The following SESTD1 variants were observed in gnomAD, a reference collection of about 807,000 sequenced individuals.
SESTD1 encodes the protein SEC14 and spectrin domain containing 1, also known as SEC14 domain and spectrin repeat-containing protein 1.
A neutral mutation model predicts 101.7 loss-of-function variants in SESTD1; 43 were observed. The ratio of observed to expected loss-of-function variants is 0.42; its 90% CI spans 0.33 to 0.55. SESTD1 has a LOEUF of 0.55. Ranked by LOEUF, SESTD1 falls within the 20% of genes least tolerant of loss-of-function variation. The probability of loss-of-function intolerance (pLI) is 0.07; values close to 1 mark genes in which losing one functional copy is unlikely to be tolerated. For synonymous variants in SESTD1, 283 were observed against 286.8 expected (o/e 0.99, Z 0.13); for missense variants, 647 against 815.1 (o/e 0.79, Z 2.51).
intron 1 of SESTD1, among the ~76,000 whole-genome samples, chr2:179,233,043 A>C (rs1282999421): frequency 6.6e-6 from 1 of 152,206 alleles, no homozygotes; most frequent in African/African-American, 2.4e-5. Context: ...AGATCCACAA[A>C]GATGAGAAAG....
chr2:179,179,589 T>G (rs2046072533), intron 3 of SESTD1, among the ~76,000 whole-genome samples: 1 of 152,204 alleles, frequency 6.6e-6, no homozygotes, highest in African/African-American at 2.4e-5. Flanking sequence ...TAATTACTTG[T>G]TTACAATTCA....
rs2046585468 is a variant in SESTD1, at chr2:179,205,970, C to A, written c.-25-14104G>T. 1.5e-5 allele frequency among the ~76,000 whole-genome samples: 2 copies of A among 133,940 alleles called. 1 individual carries two copies. Among genetic ancestry groups the A allele is most frequent in the Non-Finnish European group, 3.2e-5 (2 of 62,554 alleles). The allele number at this position is 133,940 out of a possible 152,430, so 87.9% of individuals were successfully genotyped here. A position where few individuals can be genotyped will look rare whatever the true frequency, so the allele number is the denominator to read the frequency against. ...GCTCCAGTTTTTCAAGTGTTTAGCA[C>A]AGTCATTAAAAAAAACAAAAATCTT... On this transcript the variant is annotated intron_variant, in intron 1 of 17. Transcript: ENST00000428443.
rs2045332878 is a variant in SESTD1, at chr2:179,143,748, C to A, written c.693G>T (p.Gly231=). The change falls in exon 9 of 18, where the codon GGG becomes GGT. Residue 231 remains glycine, a synonymous_variant. Transcript: ENST00000428443. The part of the protein sequence containing the change: ...QQRRFNGSDG[G]VSWSPMDDEL... ...CATCATCCATAGGAGACCATGAAAC[C>A]CCTCCGTCTGAGCCATTAAATCGAC... The A allele has an allele frequency of 1.2e-6, 2 of 1,613,920 alleles. No individual in the cohort carries two copies. Among genetic ancestry groups the A allele is most frequent in the South Asian group, 2.2e-5 (2 of 91,072 alleles).
chr2:179,231,099 C>T (rs896728483), intron 1 of SESTD1, among the ~76,000 whole-genome samples: 2 of 152,112 alleles, frequency 1.3e-5, no homozygotes, highest in Non-Finnish European at 2.9e-5. Flanking sequence ...ATTAAGGCTA[C>T]AGGAGAACAA....
intron 5 of SESTD1, among the ~76,000 whole-genome samples, chr2:179,154,607 C>G (rs1229518828): frequency 6.6e-6 from 1 of 152,104 alleles, no homozygotes; most frequent in African/African-American, 2.4e-5. Context: ...GAAATCAACT[C>G]TAAAACTAAT....
At chr2:179,166,312 C>T (rs2045833440) in intron 5 of SESTD1, among the ~76,000 whole-genome samples, 1 of 151,872 alleles carries the variant, frequency 6.6e-6, no homozygotes, top group Admixed American at 6.6e-5. Flanking sequence ...GAAGAGCAGC[C>T]ACTAATGGAA....
intron 9 of SESTD1, among the ~76,000 whole-genome samples, chr2:179,135,780 C>A (rs189774659): frequency 6.6e-6 from 1 of 152,208 alleles, no homozygotes; most frequent in East Asian, 1.9e-4. Flanking sequence ...AAAATCTAGA[C>A]AGCAAAACTC....
chr2:179,218,989 C>T (rs1191731945), intron 1 of SESTD1, among the ~76,000 whole-genome samples: 1 of 152,150 alleles, frequency 6.6e-6, no homozygotes, highest in Non-Finnish European at 1.5e-5. Context: ...CTAACATTGT[C>T]ACAACTACCT....
chr2:179,229,770 T>TC (rs2046952170), intron 1 of SESTD1, among the ~76,000 whole-genome samples: 1 of 123,740 alleles, frequency 8.1e-6, no homozygotes, highest in African/African-American at 3.3e-5. Flanking sequence ...TATATATATA[T>TC]ATATACTCAA....
intron 2 of SESTD1, among the ~76,000 whole-genome samples, chr2:179,190,425 A>G (rs928451760): frequency 2.0e-5 from 3 of 152,218 alleles, no homozygotes; most frequent in African/African-American, 7.2e-5. Context: ...AAGGCCTAAA[A>G]CTATAAAAAT....
intron 1 of SESTD1, among the ~76,000 whole-genome samples, chr2:179,249,266 G>T (rs2047279743): frequency 6.8e-6 from 1 of 148,106 alleles, no homozygotes; most frequent in African/African-American, 2.5e-5. Context: ...TGCCTATGTA[G>T]GAAATCCCAA....
intron 1 of SESTD1, among the ~76,000 whole-genome samples, chr2:179,218,548 C>G (rs575752153): frequency 6.8e-6 from 1 of 147,672 alleles, no homozygotes; most frequent in African/African-American, 2.5e-5. Flanking sequence ...TACCTTCAAC[C>G]AAAAGCAAGA....
intron 1 of SESTD1, among the ~76,000 whole-genome samples, chr2:179,203,511 G>A (rs1202195977): frequency 7.5e-6 from 1 of 133,414 alleles, no homozygotes; most frequent in Non-Finnish European, 1.6e-5. Flanking sequence ...CACCCAGAGA[G>A]GCCATGGAAG....
intron 1 of SESTD1, among the ~76,000 whole-genome samples, chr2:179,225,811 G>C (rs1015474570): frequency 6.6e-6 from 1 of 152,130 alleles, no homozygotes; most frequent in African/African-American, 2.4e-5. Flanking sequence ...CCATTCACGA[G>C]AGCATAGCCC....
intron 1 of SESTD1, among the ~76,000 whole-genome samples, chr2:179,196,880 A>G (rs910103290): frequency 6.6e-6 from 1 of 152,256 alleles, no homozygotes; most frequent in Non-Finnish European, 1.5e-5. Flanking sequence ...GAAAAACGGG[A>G]AACTCTGAAA....
chr2:179,125,598 T>C (rs1445482132), intron 10 of SESTD1, among the ~76,000 whole-genome samples: 1 of 152,162 alleles, frequency 6.6e-6, no homozygotes, highest in East Asian at 1.9e-4. Context: ...CTCAGATGAG[T>C]GTGAGCACCC....
chr2:179,213,474 A>C (rs1211780867), intron 1 of SESTD1, among the ~76,000 whole-genome samples: 1 of 135,086 alleles, frequency 7.4e-6, no homozygotes, highest in East Asian at 2.0e-4. Context: ...AAACGAACAA[A>C]GCCTCCAAGA....
At chr2:179,138,076 T>C (rs1020331224) in intron 9 of SESTD1, among the ~76,000 whole-genome samples, 6 of 152,198 alleles carry the variant, frequency 3.9e-5, no homozygotes, top group African/African-American at 1.4e-4. Flanking sequence ...CTGAATATTA[T>C]TGTTCAAACA....
At chr2:179,116,001 C>T (rs188096173) in intron 15 of SESTD1, among the ~76,000 whole-genome samples, 10 of 152,080 alleles carry the variant, frequency 6.6e-5, no homozygotes, top group South Asian at 2.1e-4. Flanking sequence ...TGGCTTGGCG[C>T]GGTGGCTCAC....
Sources: allele counts gnomAD v4.1 joint callset (sites outside exome capture counted in the v4.1 genomes callset), GRCh38; gene constraint gnomAD v4.1.1; transcripts MANE v1.5; gene names NCBI Gene and HGNC (gene_info 2026-07-23, HGNC 2026-07-21).